Variants in PINK1 observed in about 807,000 individuals in gnomAD.
PINK1 encodes serine/threonine-protein kinase PINK1, mitochondrial.
In PINK1, 58 loss-of-function variants were observed where a neutral mutation model predicts 56.0. The observed-to-expected ratio is 1.04, with a 90% CI of 0.84 to 1.29. The LOEUF is 1.29. PINK1 is among the 50% of genes most tolerant of loss of function. The pLI is 0.00. For synonymous variants in PINK1, 354 were observed against 339.3 expected (o/e 1.04, Z -0.48); for missense variants, 745 against 777.9 (o/e 0.96, Z 0.50).
At chr1:20,635,415 T>C (rs1047502299) in intron 1 of PINK1, among the ~76,000 whole-genome samples, 1 of 149,888 alleles carries the variant, frequency 6.7e-6, no homozygotes, top group African/African-American at 2.5e-5. Context: ...GCAGGAGAAT[T>C]CCTTGAACCC....
intron 5 of PINK1, among the ~76,000 whole-genome samples, chr1:20,647,321 C>T (rs908510312): frequency 9.9e-5 from 15 of 150,904 alleles, no homozygotes; most frequent in East Asian, 4.0e-4. Context: ...CCTCCCAAAG[C>T]GCTGGGATTA....
At chr1:20,637,744 G>A in intron 1 of PINK1, 98 bp from the exon 2 acceptor site, 12 of 1,411,442 alleles carry the variant, frequency 8.5e-6, no homozygotes, top group South Asian at 3.5e-5. Flanking sequence ...GGTCGACGTG[G>A]ACCACGCCTT....
rs1194368330 is a variant in PINK1, at chr1:20,644,418, G to C, written c.777-72G>C. The C allele has an allele frequency of 2.0e-6, 3 of 1,473,110 alleles. No individual in the cohort carries two copies. In the African/African-American group the frequency reaches 4.2e-5, roughly 20 times the overall value. 91.3% of individuals were successfully genotyped at this position (1,473,110 alleles called of 1,614,324 possible). ...TGAATGTCAGTGCCAGTGTTGGTGT[G>C]GCCTTAGGTTATTCTTTCCAGGTGT... On this transcript the variant is annotated intron_variant, in intron 3 of 7. Coordinates refer to ENST00000321556, the MANE Select transcript of PINK1 (RefSeq NM_032409.3).
In PINK1 at chr1:20,637,959, G is replaced by A. The variant is rs767633723; in HGVS notation, c.505G>A (p.Ala169Thr). 6.2e-7 allele frequency: 1 copy of A among 1,614,192 alleles called. No individual in the cohort carries two copies. The highest frequency in any genetic ancestry group is 1.1e-5 in the South Asian group (1 of 91,088). ...GQSIGKGCSA[A>T]VYEATMPTLP... The stretch of plus-strand genomic sequence containing the variant: ...GTCCATTGGTAAGGGCTGCAGTGCT[G>A]CTGTGTATGAAGCCACCATGCCTAC... Residue 169 changes from alanine (A) to threonine (T), a missense_variant, in exon 2 of 8, where the codon GCT becomes ACT. Ala to Thr is a moderately conservative substitution (Grantham distance 58). Coordinates refer to ENST00000321556, the MANE Select transcript of PINK1 (RefSeq NM_032409.3).
chr1:20,633,655 C>T lies in PINK1; in HGVS notation c.107C>T (p.Pro36Leu). 7.5e-7 allele frequency: 1 copy of T among 1,336,138 alleles called. No individual in the cohort carries two copies. Among genetic ancestry groups the T allele is most frequent in the South Asian group, 2.0e-5 (1 of 49,824 alleles). 82.8% of individuals were successfully genotyped at this position (1,336,138 alleles called of 1,614,324 possible). A position where few individuals can be genotyped will look rare whatever the true frequency, so the allele number is the denominator to read the frequency against. Residue 36 changes from proline to leucine, a missense_variant, in exon 1 of 8, where the codon CCG becomes CTG. Coordinates refer to ENST00000321556, the MANE Select transcript of PINK1 (RefSeq NM_032409.3). Reference protein sequence around the residue: ...GRAYGLGRPGPAAGCVRGERP... With the variant: ...GRAYGLGRPGLAAGCVRGERP... ...GCCTACGGCTTGGGGCGGCCGGGCC[C>T]GGCGGCGGGCTGTGTCCGCGGGGAG...
At chr1:20,637,617 C>T (rs2154533628) in intron 1 of PINK1, among the ~76,000 whole-genome samples, 1 of 152,232 alleles carries the variant, frequency 6.6e-6, no homozygotes, top group South Asian at 2.1e-4. Context: ...GTATTGTGAT[C>T]CCAGTGAAGC....
chr1:20,650,250 A>G lies in PINK1; in HGVS notation c.1489-184A>G. 6 of 759,130 alleles carry G rather than the reference A, an allele frequency of 7.9e-6. No homozygotes were observed. In the South Asian group the frequency reaches 9.7e-5, roughly 12 times the overall value. 47.0% of individuals were successfully genotyped at this position (759,130 alleles called of 1,614,324 possible). On this transcript the variant is annotated intron_variant, in intron 7 of 7. Transcript: ENST00000321556. ...CCCATGCAGAGGTGTACACATGGAA[A>G]AGCTTGGAGCACGGGCAGGGGACAG...
chr1:20,633,706 G>A lies in PINK1; in HGVS notation c.158G>A (p.Gly53Asp). The change falls in exon 1 of 8, where the codon GGC becomes GAC. Residue 53 changes from glycine to aspartate, a missense_variant. Transcript: ENST00000321556. ...GERPGWAAGP[G>D]AEPRRVGLGL... ...CGTCCAGGCTGGGCCGCAGGACCGG[G>A]CGCGGAGCCTCGCAGGGTCGGGCTC... is the stretch of plus-strand genomic sequence containing the variant. 3 of 1,517,938 alleles carry A rather than the reference G, an allele frequency of 2.0e-6. No homozygotes were observed. Among genetic ancestry groups the A allele is most frequent in the South Asian group, 2.4e-5 (2 of 82,002 alleles). The allele number at this position is 1,517,938 out of a possible 1,614,324, so 94.0% of individuals were successfully genotyped here.
In PINK1 at chr1:20,651,217, C is replaced by CAGTAAGTA. The variant is rs3077906; in HGVS notation, c.*534_*541dup. On this transcript the variant is annotated 3_prime_UTR_variant, in exon 8 of 8. Transcript: ENST00000321556. ...TCACTTAGCGAAAGTGACGGATGAG[C>CAGTAAGTA]AGTAAGTAAGTAAGTGTGGGGATTT... is the stretch of plus-strand genomic sequence containing the variant. The CAGTAAGTA allele has an allele frequency of 1.1e-5, 2 of 177,656 alleles. No homozygotes were observed. The highest frequency in any genetic ancestry group is 5.4e-5 in the Admixed American group (1 of 18,576). 11.0% of individuals were successfully genotyped at this position (177,656 alleles called of 1,614,324 possible). A position where few individuals can be genotyped will look rare whatever the true frequency, so the allele number is the denominator to read the frequency against.
intron 7 of PINK1, chr1:20,650,087 A>G (rs2053246396): frequency 5.4e-6 from 2 of 372,868 alleles, no homozygotes; most frequent in South Asian, 4.5e-5. Flanking sequence ...TGCGCAGTGA[A>G]GGTTAGAACA....
Position 20,649,245 on chromosome 1 carries a change from C to G in PINK1, c.1488+14C>G, listed in dbSNP as rs752040004. 6.2e-7 allele frequency: 1 copy of G among 1,612,932 alleles called. No homozygotes were observed. Among genetic ancestry groups the G allele is most frequent in the Admixed American group, 1.7e-5 (1 of 60,020 alleles). ...GAGGCCAGCAAGGTGAGGCTGTCCC[C>G]GGCTTCGAGGGGACGGTGTGGGTAG... On this transcript the variant is annotated intron_variant, in intron 7 of 7. Transcript: ENST00000321556.
At chr1:20,637,476 T>C (rs2053068084) in intron 1 of PINK1, among the ~76,000 whole-genome samples, 1 of 152,172 alleles carries the variant, frequency 6.6e-6, no homozygotes, top group Admixed American at 6.5e-5. Context: ...CCAGGAGCCG[T>C]CAGCCAAGGT....
chr1:20,640,419 G>C (rs935651784), intron 3 of PINK1, among the ~76,000 whole-genome samples: 1 of 152,142 alleles, frequency 6.6e-6, no homozygotes, highest in South Asian at 2.1e-4. Context: ...AAAGTGGTCT[G>C]TTGGCCCAGA....
intron 3 of PINK1, 62 bp downstream of exon 3, chr1:20,640,054 T>A: frequency 3.7e-6 from 5 of 1,357,698 alleles, no homozygotes; most frequent in Non-Finnish European, 5.1e-6. Context: ...CATCCATCAC[T>A]TATGTCCTCA....
At chr1:20,644,462 CAT>C (rs774841958) in intron 3 of PINK1, 26 bp from the exon 4 acceptor site, 2 of 1,611,906 alleles carry the variant, frequency 1.2e-6, no homozygotes, top group East Asian at 2.2e-5. Context: ...ATGCTGGCCT[CAT>C]ATGTTTGTCT....
chr1:20,639,331 G>T (rs1401209075), intron 2 of PINK1: 2 of 178,812 alleles, frequency 1.1e-5, no homozygotes, highest in African/African-American at 4.7e-5. Context: ...CTACAAGATT[G>T]TTGATTCTTA....
At chr1:20,649,722 G>A (rs669294) in intron 7 of PINK1, 161,820 of 165,174 alleles carry the variant, frequency 0.98, 79,354 homozygotes, top group East Asian at 1. Context: ...CCAAGATCGC[G>A]CCACTGCACT....
chr1:20,649,138 C>CT lies in PINK1; in HGVS notation c.1396dup (p.Tyr466LeufsTer49), dbSNP rs2053231746. The CT allele has an allele frequency of 7.4e-6, 12 of 1,614,264 alleles. No individual in the cohort carries two copies. The highest frequency in any genetic ancestry group is 1.0e-5 in the Non-Finnish European group (12 of 1,180,056). On this transcript the variant is annotated frameshift_variant, in exon 7 of 8. Coordinates refer to ENST00000321556, the MANE Select transcript of PINK1 (RefSeq NM_032409.3). LOFTEE classifies it high-confidence loss of function. ...GCAAGGCCCACCTTGAAAGCCGCAG[C>CT]TACCAAGAGGCTCAGCTACCTGCAC...
At chr1:20,648,066 C>T (rs556503234) in intron 5 of PINK1, among the ~76,000 whole-genome samples, 1 of 152,294 alleles carries the variant, frequency 6.6e-6, no homozygotes, top group South Asian at 2.1e-4. Flanking sequence ...CTACCCGCCT[C>T]GGCCTCCCAA....
Sources: gnomAD v4.1 joint callset for allele counts (sites outside exome capture counted in the v4.1 genomes callset) on GRCh38, gnomAD v4.1.1 for gene constraint, MANE v1.5 for transcripts, NCBI Gene and HGNC (gene_info 2026-07-23, HGNC 2026-07-21) for gene names.